The following SDK1 variants were observed in gnomAD, a reference collection of about 807,000 sequenced individuals.
The protein encoded by SDK1 is sidekick cell adhesion molecule 1, also known as protein sidekick-1.
SDK1 carries 157 observed loss-of-function variants against 245.5 expected under a neutral mutation model. The ratio of observed to expected loss-of-function variants is 0.64; its 90% CI spans 0.56 to 0.73. The LOEUF (loss-of-function observed/expected upper bound fraction) is 0.73, where lower values mean the gene tolerates loss of function less well. Ranked by LOEUF, SDK1 falls within the 30% of genes least tolerant of loss-of-function variation. The pLI, the probability that SDK1 is intolerant of heterozygous loss-of-function variation, is 0.00. For synonymous variants in SDK1, 1,647 were observed against 1,278.5 expected, an observed-to-expected ratio of 1.29 and a Z score of -6.15; for missense variants, 3,583 against 3,002.3, an observed-to-expected ratio of 1.19 and a Z score of -4.52.
intron 4 of SDK1, among the ~76,000 whole-genome samples, chr7:3,708,851 C>G (rs1367222068): frequency 1.3e-5 from 2 of 152,230 alleles, no homozygotes; most frequent in African/African-American, 4.8e-5. Flanking sequence ...TCTATCTATT[C>G]TGCCCATGTG....
At chr7:3,718,020 A>G (rs1785252635) in intron 4 of SDK1, among the ~76,000 whole-genome samples, 1 of 152,126 alleles carries the variant, frequency 6.6e-6, no homozygotes, top group Admixed American at 6.5e-5. Flanking sequence ...AATTCTCAAC[A>G]CAGTAATGGC....
chr7:3,571,994 A>G (rs542020389), intron 1 of SDK1, among the ~76,000 whole-genome samples: 1 of 152,044 alleles, frequency 6.6e-6, no homozygotes, highest in African/African-American at 2.4e-5. Context: ...AAATTTTAAA[A>G]TCCACTTATT....
At chr7:3,703,808 G>C (rs539651879) in intron 4 of SDK1, among the ~76,000 whole-genome samples, 4 of 152,166 alleles carry the variant, frequency 2.6e-5, no homozygotes, top group Non-Finnish European at 5.9e-5. Flanking sequence ...TTCCCAAGAC[G>C]TGTGAATTTG....
intron 1 of SDK1, among the ~76,000 whole-genome samples, chr7:3,426,440 G>C (rs996979918): frequency 6.6e-6 from 1 of 152,204 alleles, no homozygotes; most frequent in African/African-American, 2.4e-5. Flanking sequence ...CCCTAGGCAA[G>C]TCACCTTCTC....
chr7:3,971,644 G>T, intron 12 of SDK1, 76 bp downstream of exon 12: 5 of 1,069,120 alleles, frequency 4.7e-6, no homozygotes, highest in Non-Finnish European at 7.1e-6. Flanking sequence ...GAGATGAGGA[G>T]GAAGAATTGG....
intron 1 of SDK1, among the ~76,000 whole-genome samples, chr7:3,465,545 G>T (rs893639071): frequency 6.6e-6 from 1 of 152,126 alleles, no homozygotes; most frequent in Non-Finnish European, 1.5e-5. Flanking sequence ...GAATGGCTTT[G>T]CACTGCTCTC....
At chr7:3,377,908 A>G (rs1446860315) in intron 1 of SDK1, among the ~76,000 whole-genome samples, 2 of 152,012 alleles carry the variant, frequency 1.3e-5, no homozygotes, top group Non-Finnish European at 2.9e-5. Context: ...CCTCCCGAGT[A>G]GCTGGGATTA....
intron 22 of SDK1, among the ~76,000 whole-genome samples, chr7:4,082,713 T>G (rs1781141023): frequency 6.6e-6 from 1 of 151,988 alleles, no homozygotes; most frequent in Non-Finnish European, 1.5e-5. Context: ...CTCTGCCTCC[T>G]GGGCTCAAGC....
intron 5 of SDK1, among the ~76,000 whole-genome samples, chr7:3,920,761 G>T (rs1467805783): frequency 1.3e-5 from 2 of 148,898 alleles, no homozygotes; most frequent in African/African-American, 2.6e-5. Context: ...CAGAGGGGGA[G>T]CAGTGAGAGT....
chr7:3,366,892 C>A (rs891099323), intron 1 of SDK1, among the ~76,000 whole-genome samples: 14 of 152,050 alleles, frequency 9.2e-5, no homozygotes, highest in African/African-American at 3.4e-4. Context: ...CAGGCATGCA[C>A]CACCATGCCC....
At chr7:3,471,861 A>G (rs73671840) in intron 1 of SDK1, among the ~76,000 whole-genome samples, 8,828 of 152,234 alleles carry the variant, frequency 0.058, 318 homozygotes, top group East Asian at 0.11. Flanking sequence ...TTGAACTTCA[A>G]TGTTCTCTGA....
At chr7:3,901,290 G>C (rs533630797) in intron 5 of SDK1, among the ~76,000 whole-genome samples, 1 of 152,054 alleles carries the variant, frequency 6.6e-6, no homozygotes, top group Non-Finnish European at 1.5e-5. Flanking sequence ...GGGTTCAAGC[G>C]ATTCTCCTGC....
intron 38 of SDK1, among the ~76,000 whole-genome samples, chr7:4,215,164 C>T (rs1203445056): frequency 2.6e-5 from 4 of 152,216 alleles, no homozygotes; most frequent in East Asian, 1.9e-4. Flanking sequence ...TACCCACATA[C>T]GTCAAAAGAA....
At chr7:3,624,991 A>T (rs1365838227) in intron 2 of SDK1, among the ~76,000 whole-genome samples, 2 of 152,174 alleles carry the variant, frequency 1.3e-5, no homozygotes, top group East Asian at 1.9e-4. Context: ...GTAAGCCAAG[A>T]TCATGCCATT....
chr7:3,544,444 G>A (rs904341013), intron 1 of SDK1, among the ~76,000 whole-genome samples: 2 of 152,210 alleles, frequency 1.3e-5, no homozygotes, highest in African/African-American at 2.4e-5. Context: ...CCTGGGTCCC[G>A]GCCATGCCCA....
intron 1 of SDK1, among the ~76,000 whole-genome samples, chr7:3,334,881 T>C (rs1286538185): frequency 1.3e-5 from 2 of 152,170 alleles, no homozygotes; most frequent in Non-Finnish European, 2.9e-5. Flanking sequence ...TGATTTTTCT[T>C]TTTTTTCAAA....
intron 16 of SDK1, among the ~76,000 whole-genome samples, chr7:4,016,744 C>T (rs1786430816): frequency 6.6e-6 from 1 of 152,148 alleles, no homozygotes; most frequent in Non-Finnish European, 1.5e-5. Context: ...GGAGCTCTGT[C>T]CCTGGACACC....
At position 3,529,249 on chromosome 7, in the gene SDK1, AATCACTT is replaced by A. The variant is rs1224980964; in HGVS notation, c.299-89826_299-89820del. 2.0e-5 allele frequency among the ~76,000 whole-genome samples: 3 copies of A among 152,300 alleles called. No homozygotes were observed. In the East Asian group the frequency reaches 5.8e-4, roughly 29 times the overall value. ...ACACCCAGAAGGCCTAGGAGCAGTC[AATCACTT>A]ATCAGCAGTGAGTTTGCCAACTGCC... On this transcript the variant is annotated intron_variant, in intron 1 of 44. Coordinates refer to ENST00000404826, the MANE Select transcript of SDK1 (RefSeq NM_152744.4).
At chr7:4,233,221 A>G in intron 40 of SDK1, 34 bp from the exon 41 acceptor site, 1 of 1,599,262 alleles carries the variant, frequency 6.3e-7, no homozygotes. Context: ...TCGCACTTCT[A>G]ACCTCTGCTC....
Sources: allele counts gnomAD v4.1 joint callset (sites outside exome capture counted in the v4.1 genomes callset), GRCh38; gene constraint gnomAD v4.1.1; transcripts MANE v1.5; gene names NCBI Gene and HGNC (gene_info 2026-07-23, HGNC 2026-07-21).